Variants in ROBO1 observed in about 807,000 individuals in gnomAD.
ROBO1 encodes the protein roundabout homolog 1.
Under a neutral mutation model 195.9 loss-of-function variants are expected in ROBO1, and 149 were observed. The observed-to-expected ratio is 0.76, with a 90% CI of 0.67 to 0.87. The LOEUF is 0.87. Ranked by LOEUF, ROBO1 falls within the 40% of genes least tolerant of loss-of-function variation. The pLI is 0.00. For synonymous variants in ROBO1, 816 were observed against 733.2 expected, an observed-to-expected ratio of 1.11 and a Z score of -1.82; for missense variants, 1,933 against 2,068.3, an observed-to-expected ratio of 0.93 and a Z score of 1.27.
chr3:79,550,487 C>G (rs1942471066), intron 2 of ROBO1, among the ~76,000 whole-genome samples: 1 of 152,176 alleles, frequency 6.6e-6, no homozygotes, highest in African/African-American at 2.4e-5. Flanking sequence ...TATATGACAA[C>G]ACTTAGAGAG....
rs1314535227 is a variant in ROBO1 at position 79,293,202 on chromosome 3, T to C, written c.89-167663A>G. 3.3e-5 allele frequency among the ~76,000 whole-genome samples: 5 copies of C among 152,228 alleles called. No homozygotes were observed. The East Asian group carries it at 9.6e-4, about 29-fold the overall frequency. ...GTATTCTCTGATGGTAAGTAGTTTG[T>C]ATTTCTGTGAGATCAGTGGTGATAT... On this transcript the variant is annotated intron_variant, in intron 2 of 30. Coordinates refer to ENST00000464233, the MANE Select transcript of ROBO1 (RefSeq NM_002941.4).
intron 4 of ROBO1, among the ~76,000 whole-genome samples, chr3:78,787,325 T>C (rs1327832357): frequency 1.3e-5 from 2 of 152,242 alleles, no homozygotes; most frequent in South Asian, 2.1e-4. Flanking sequence ...CATGATGTTA[T>C]AGTATTTATG....
At chr3:79,139,799 G>A (rs913507766) in intron 2 of ROBO1, among the ~76,000 whole-genome samples, 2 of 152,044 alleles carry the variant, frequency 1.3e-5, no homozygotes, top group African/African-American at 4.8e-5. Flanking sequence ...GGTATTCAAA[G>A]GCGTTTCTTT....
At chr3:79,041,416 C>G (rs531619480) in intron 3 of ROBO1, among the ~76,000 whole-genome samples, 1 of 152,002 alleles carries the variant, frequency 6.6e-6, no homozygotes, top group African/African-American at 2.4e-5. Context: ...GGTATTGCCT[C>G]TACCTGAAAG....
At chr3:79,723,327 AT>A (rs1702780445) in intron 1 of ROBO1, among the ~76,000 whole-genome samples, 2 of 152,190 alleles carry the variant, frequency 1.3e-5, no homozygotes, top group Non-Finnish European at 2.9e-5. Flanking sequence ...TTCTGCTGAA[AT>A]ATATGATGGT....
intron 2 of ROBO1, among the ~76,000 whole-genome samples, chr3:79,157,179 T>A (rs1238069583): frequency 6.6e-6 from 1 of 151,876 alleles, no homozygotes. Context: ...AATAGTCCTC[T>A]GGGGAAATGT....
intron 1 of ROBO1, among the ~76,000 whole-genome samples, chr3:79,653,689 G>A (rs545774775): frequency 6.6e-6 from 1 of 152,010 alleles, no homozygotes; most frequent in South Asian, 2.1e-4. Flanking sequence ...GTCTGTAGTA[G>A]GCCTAGTAAA....
At chr3:78,903,096 AATTCTCTTCAAATATTTG>A (rs1263125525) in intron 4 of ROBO1, among the ~76,000 whole-genome samples, 4 of 152,164 alleles carry the variant, frequency 2.6e-5, no homozygotes, top group Admixed American at 1.3e-4. Context: ...ACAGAAACAC[AATTCTCTTCAAATATTTG>A]ATTCTCTTCA....
At chr3:78,900,195 A>G (rs1334717049) in intron 4 of ROBO1, among the ~76,000 whole-genome samples, 1 of 152,236 alleles carries the variant, frequency 6.6e-6, no homozygotes, top group Non-Finnish European at 1.5e-5. Context: ...TAGAATCAAT[A>G]GTAACATATT....
rs1575777149 is a variant in ROBO1 at position 78,614,686 on chromosome 3, T to G, written c.4397A>C (p.His1466Pro). The G allele has an allele frequency of 6.2e-7, 1 of 1,613,694 alleles. No homozygotes were observed. The highest frequency in any genetic ancestry group is 8.5e-7 in the Non-Finnish European group (1 of 1,179,822). ...QKTRPAKKLK[H>P]QPGHLRRETY... ...TTCTCTGCGCAGATGTCCTGGCTGG[T>G]GTTTCAGTTTCTTGGCTGGTCTGGT... Residue 1466 changes from histidine to proline, a missense_variant, in exon 28 of 31, where the codon CAC becomes CCC. Physicochemically the swap from His to Pro is moderately conservative, Grantham distance 77. Coordinates refer to ENST00000464233, the MANE Select transcript of ROBO1 (RefSeq NM_002941.4).
chr3:79,235,943 T>G (rs868628768), intron 2 of ROBO1, among the ~76,000 whole-genome samples: 1 of 152,214 alleles, frequency 6.6e-6, no homozygotes, highest in Middle Eastern at 3.4e-3. Flanking sequence ...GACAACAATA[T>G]AGCATATTGT....
At chr3:78,811,866 T>C (rs1173035156) in intron 4 of ROBO1, among the ~76,000 whole-genome samples, 1 of 152,142 alleles carries the variant, frequency 6.6e-6, no homozygotes, top group Non-Finnish European at 1.5e-5. Context: ...CACTGCCTCA[T>C]CAATATAAGG....
At chr3:79,260,530 AG>A (rs932887706) in intron 2 of ROBO1, among the ~76,000 whole-genome samples, 1 of 152,186 alleles carries the variant, frequency 6.6e-6, no homozygotes, top group African/African-American at 2.4e-5. Flanking sequence ...TGCTTTATAA[AG>A]AATGTTCTTC....
At chr3:78,995,436 A>G (rs1398515990) in intron 3 of ROBO1, among the ~76,000 whole-genome samples, 3 of 152,114 alleles carry the variant, frequency 2.0e-5, no homozygotes, top group Admixed American at 6.6e-5. Flanking sequence ...ACCATCTCAG[A>G]CAGAGCCATT....
intron 8 of ROBO1, 139 bp from the exon 9 acceptor site, chr3:78,688,911 T>C (rs1170029355): frequency 1.2e-6 from 1 of 813,066 alleles, no homozygotes; most frequent in Non-Finnish European, 1.7e-6. Context: ...CCAATTCTTG[T>C]CCTTAATTTG....
At chr3:79,685,601 A>C (rs1947080741) in intron 1 of ROBO1, among the ~76,000 whole-genome samples, 1 of 152,150 alleles carries the variant, frequency 6.6e-6, no homozygotes. Flanking sequence ...GCAGTTAATG[A>C]AAGTTCTCTG....
intron 4 of ROBO1, among the ~76,000 whole-genome samples, chr3:78,798,713 T>C (rs6548599): frequency 0.027 from 4,044 of 152,274 alleles, 163 homozygotes; most frequent in African/African-American, 0.091. Context: ...CACAGACATG[T>C]CAAAACATCA....
intron 1 of ROBO1, among the ~76,000 whole-genome samples, chr3:79,642,070 G>T (rs1945681175): frequency 6.6e-6 from 1 of 152,070 alleles, no homozygotes; most frequent in South Asian, 2.1e-4. Flanking sequence ...ATTTAACAAA[G>T]AAATTGAAAT....
chr3:78,611,550 C>A (rs1054088449), intron 28 of ROBO1, among the ~76,000 whole-genome samples: 4 of 152,300 alleles, frequency 2.6e-5, no homozygotes, highest in Non-Finnish European at 5.9e-5. Context: ...CTGTAGCATG[C>A]AGCACTCTCC....
Sources: allele counts gnomAD v4.1 joint callset (sites outside exome capture counted in the v4.1 genomes callset), GRCh38; gene constraint gnomAD v4.1.1; transcripts MANE v1.5; gene names NCBI Gene and HGNC (gene_info 2026-07-23, HGNC 2026-07-21).